RORA: variants seen among roughly 807,000 people sequenced by gnomAD.
RORA encodes RAR related orphan receptor A.
RORA carries 7 observed loss-of-function variants against 69.5 expected under a neutral mutation model. The ratio of observed to expected loss-of-function variants is 0.10; its 90% CI spans 0.06 to 0.19. The LOEUF (loss-of-function observed/expected upper bound fraction) is 0.19. Ranked by LOEUF, RORA falls within the 10% of genes least tolerant of loss-of-function variation. The pLI is 1.00. For synonymous variants in RORA, 261 were observed against 240.8 expected (o/e 1.08, Z -0.78); for missense variants, 457 against 663.0 (o/e 0.69, Z 3.41).
In RORA at chr15:61,226,142, C is replaced by T. The variant is rs2080143408; in HGVS notation, c.166+2911G>A. ...CCTCAAGTCTACCTAGGTAATGTCT[C>T]ATGAGGTCACTGCAATGTCATGAGA... is the stretch of plus-strand genomic sequence containing the variant. On this transcript the variant is annotated intron_variant, in intron 1 of 10. Coordinates refer to ENST00000335670, the MANE Select transcript of RORA (RefSeq NM_134261.3). The surrounding 1 kb of genome is among the most constrained non-coding windows in gnomAD (Gnocchi z 4.2). 6.6e-6 allele frequency among the ~76,000 whole-genome samples: 1 copy of T among 152,194 alleles called. No homozygotes were observed. The highest frequency in any genetic ancestry group is 1.5e-5 in the Non-Finnish European group (1 of 68,036).
chr15:60,806,302 C>A (rs1472533088), intron 1 of RORA, among the ~76,000 whole-genome samples: 3 of 152,162 alleles, frequency 2.0e-5, no homozygotes, highest in African/African-American at 7.2e-5. Flanking sequence ...GAAAAGCACC[C>A]ACAATTCTGC....
chr15:60,943,949 T>TGGGTCAAA (rs1358618872), intron 1 of RORA, among the ~76,000 whole-genome samples: 1 of 82,652 alleles, frequency 1.2e-5, no homozygotes, highest in Non-Finnish European at 2.6e-5. Context: ...AAGTGAGTAA[T>TGGGTCAAA]GGGTCAAAGG....
chr15:61,105,921 G>A (rs2140766514), intron 1 of RORA, among the ~76,000 whole-genome samples: 1 of 152,344 alleles, frequency 6.6e-6, no homozygotes, highest in Non-Finnish European at 1.5e-5. Context: ...ACATAATGGA[G>A]AAGCAGCATG....
intron 1 of RORA, among the ~76,000 whole-genome samples, chr15:61,150,290 G>A (rs1312639653): frequency 6.6e-6 from 1 of 152,096 alleles, no homozygotes; most frequent in Non-Finnish European, 1.5e-5. Flanking sequence ...TCCTCTTTGG[G>A]CTTATAAAGC....
At chr15:61,022,267 A>G (rs16943522) in intron 1 of RORA, among the ~76,000 whole-genome samples, 10,909 of 152,322 alleles carry the variant, frequency 0.072, 484 homozygotes, top group Non-Finnish European at 0.088. Flanking sequence ...AATTGCATGT[A>G]AAATGCTTGA....
intron 6 of RORA, among the ~76,000 whole-genome samples, chr15:60,504,929 C>G (rs74020725): frequency 4.0e-4 from 61 of 152,216 alleles, no homozygotes; most frequent in Admixed American, 9.8e-4. Flanking sequence ...TCCAGACATG[C>G]CAGTGGATGT....
At chr15:60,752,276 CCCGATGGCA>C (rs999430372) in intron 1 of RORA, among the ~76,000 whole-genome samples, 2 of 152,158 alleles carry the variant, frequency 1.3e-5, no homozygotes, top group African/African-American at 4.8e-5. Flanking sequence ...CCATTTCCTT[CCCGATGGCA>C]CAAATGGAAG....
chr15:61,115,743 C>T (rs189399302), intron 1 of RORA, among the ~76,000 whole-genome samples: 3 of 152,140 alleles, frequency 2.0e-5, no homozygotes, highest in East Asian at 3.9e-4. Context: ...CTGAACCAAG[C>T]GGGGATCAAC....
chr15:61,159,186 G>C (rs2079472352), intron 1 of RORA, among the ~76,000 whole-genome samples: 1 of 152,106 alleles, frequency 6.6e-6, no homozygotes, highest in Non-Finnish European at 1.5e-5. Context: ...ATGAAAGGGG[G>C]TTACTTAGCC....
chr15:61,079,097 T>G (rs990614331), intron 1 of RORA, among the ~76,000 whole-genome samples: 1 of 151,708 alleles, frequency 6.6e-6, no homozygotes, highest in African/African-American at 2.4e-5. Flanking sequence ...ACTAACCAAT[T>G]ACAGACTTAT....
chr15:61,040,161 TATAA>T (rs1227786737), intron 1 of RORA, among the ~76,000 whole-genome samples: 22 of 116,628 alleles, frequency 1.9e-4, no homozygotes, highest in Admixed American at 2.5e-4. Context: ...TATATATATA[TATAA>T]AATATATGAA....
At chr15:61,039,609 G>A (rs905546573) in intron 1 of RORA, among the ~76,000 whole-genome samples, 3 of 151,866 alleles carry the variant, frequency 2.0e-5, no homozygotes, top group South Asian at 2.1e-4. Flanking sequence ...GCTGGGTGTG[G>A]TGGTGCACAC....
chr15:61,154,383 A>T (rs892758091), intron 1 of RORA, among the ~76,000 whole-genome samples: 21 of 152,154 alleles, frequency 1.4e-4, no homozygotes, highest in Non-Finnish European at 2.6e-4. Context: ...TCTCAGAGCC[A>T]TAAGCCTTTC....
At chr15:61,149,822 C>T (rs1407904450) in intron 1 of RORA, among the ~76,000 whole-genome samples, 2 of 152,190 alleles carry the variant, frequency 1.3e-5, no homozygotes, top group African/African-American at 4.8e-5. Flanking sequence ...GATAAGAAGT[C>T]CCATTTTGTC....
chr15:60,542,743 GACACACGGGCACACCT>G (rs2066933112), intron 2 of RORA, among the ~76,000 whole-genome samples: 1 of 143,224 alleles, frequency 7.0e-6, no homozygotes, highest in Non-Finnish European at 1.5e-5. Flanking sequence ...CACCTCAAAC[GACACACGGGCACACCT>G]CACACACAAG....
chr15:60,733,983 G>A (rs2071466295), intron 1 of RORA, among the ~76,000 whole-genome samples: 1 of 150,854 alleles, frequency 6.6e-6, no homozygotes, highest in Non-Finnish European at 1.5e-5. Context: ...TGGGAATGAG[G>A]AAAGGAATAA....
intron 2 of RORA, among the ~76,000 whole-genome samples, chr15:60,541,372 G>C (rs2066866414): frequency 6.6e-6 from 1 of 152,172 alleles, no homozygotes; most frequent in African/African-American, 2.4e-5. Flanking sequence ...AGTTCAGCCA[G>C]GCATACTAAT....
At chr15:60,909,363 T>G (rs1254550328) in intron 1 of RORA, among the ~76,000 whole-genome samples, 1 of 152,212 alleles carries the variant, frequency 6.6e-6, no homozygotes, top group East Asian at 1.9e-4. Flanking sequence ...GCACCCCATG[T>G]GTCAAAGCTC....
chr15:60,645,467 C>G (rs2070023703), intron 2 of RORA, among the ~76,000 whole-genome samples: 1 of 148,128 alleles, frequency 6.8e-6, no homozygotes, highest in South Asian at 2.1e-4. Flanking sequence ...TGCTGGCTCA[C>G]TGCAACCTCT....
Sources: allele counts gnomAD v4.1 joint callset (sites outside exome capture counted in the v4.1 genomes callset), GRCh38; gene constraint gnomAD v4.1.1; non-coding constraint Gnocchi (gnomAD v3.1); transcripts MANE v1.5; gene names NCBI Gene and HGNC (gene_info 2026-07-23, HGNC 2026-07-21).